The following LURAP1L variants were observed in gnomAD, a reference collection of about 807,000 sequenced individuals.
LURAP1L encodes leucine rich adaptor protein 1 like, also known as leucine rich adaptor protein 1-like.
LURAP1L carries 12 observed loss-of-function variants against 13.8 expected under a neutral mutation model. The ratio of observed to expected loss-of-function variants is 0.87; its 90% CI spans 0.56 to 1.41. LURAP1L has a LOEUF of 1.41. Among genes scored for constraint, LURAP1L ranks in the 40% most tolerant of loss-of-function variants. LURAP1L has a pLI of 0.00. For missense variants in LURAP1L, 375 were observed against 292.9 expected (o/e 1.28, Z -2.04); for synonymous variants, 139 against 119.2 (o/e 1.17, Z -1.08).
chr9:12,794,854 T>A (rs570154210), intron 1 of LURAP1L, among the ~76,000 whole-genome samples: 1 of 151,740 alleles, frequency 6.6e-6, no homozygotes, highest in South Asian at 2.1e-4. Flanking sequence ...ATCAACTATA[T>A]TCAATTCTTG....
At chr9:12,783,702 G>T (rs1256607111) in intron 1 of LURAP1L, among the ~76,000 whole-genome samples, 1 of 151,732 alleles carries the variant, frequency 6.6e-6, no homozygotes, top group African/African-American at 2.4e-5. Flanking sequence ...TGATATCAGG[G>T]TAATACTGGC....
At chr9:12,780,992 A>G (rs1819261746) in intron 1 of LURAP1L, among the ~76,000 whole-genome samples, 1 of 152,100 alleles carries the variant, frequency 6.6e-6, no homozygotes, top group African/African-American at 2.4e-5. Context: ...ATTATTTGAG[A>G]TGGAGTTTCG....
At chr9:12,778,906 T>C (rs1034293217) in intron 1 of LURAP1L, among the ~76,000 whole-genome samples, 2 of 152,206 alleles carry the variant, frequency 1.3e-5, no homozygotes, top group Non-Finnish European at 2.9e-5. Context: ...AGACCTCCAA[T>C]GGATGCTTGA....
chr9:12,791,564 CA>C (rs1322113916), intron 1 of LURAP1L, among the ~76,000 whole-genome samples: 2 of 151,410 alleles, frequency 1.3e-5, no homozygotes, highest in East Asian at 3.9e-4. Flanking sequence ...AAAAGAGTAC[CA>C]AAAGTTGCTA....
rs1819894916 is a variant in LURAP1L at position 12,822,490 on chromosome 9, C to A, written c.*730C>A. Among the ~76,000 whole-genome samples, 3 of 152,118 alleles carry A rather than the reference C, an allele frequency of 2.0e-5. No individual in the cohort carries two copies. The highest frequency in any genetic ancestry group is 2.0e-4 in the Admixed American group (3 of 15,276). On this transcript the variant is annotated 3_prime_UTR_variant, in exon 2 of 2. Transcript: ENST00000319264. Reference sequence around the variant, plus strand: ...ATTGAGATTAAGTATGGAGGCCATTCAAGGCAAAAATGTCCTAAATTTAAT... The same window carrying A: ...ATTGAGATTAAGTATGGAGGCCATTAAAGGCAAAAATGTCCTAAATTTAAT...
intron 1 of LURAP1L, among the ~76,000 whole-genome samples, chr9:12,780,217 C>T (rs2118458939): frequency 6.6e-6 from 1 of 152,304 alleles, no homozygotes; most frequent in Non-Finnish European, 1.5e-5. Context: ...GCAGTACTTT[C>T]AAATTGCTGT....
chr9:12,808,286 T>C (rs1325438030), intron 1 of LURAP1L, among the ~76,000 whole-genome samples: 5 of 152,152 alleles, frequency 3.3e-5, no homozygotes, highest in Admixed American at 6.5e-5. Flanking sequence ...CCATTTTTGT[T>C]GGTCTCAGAA....
chr9:12,819,497 AT>A (rs1176536624), intron 1 of LURAP1L, among the ~76,000 whole-genome samples: 2 of 152,152 alleles, frequency 1.3e-5, no homozygotes, highest in Non-Finnish European at 2.9e-5. Flanking sequence ...TTTGAGGACA[AT>A]TCGCTCTTTT....
rs1819524896 is a variant in LURAP1L at position 12,797,451 on chromosome 9, G to A, written c.312+21424G>A. 2.0e-5 allele frequency among the ~76,000 whole-genome samples: 3 copies of A among 152,102 alleles called. No homozygotes were observed. In the South Asian group the frequency reaches 6.2e-4, roughly 32 times the overall value. ...ACTTATATTTCTGAATCAGATGATA[G>A]ACACTGGAGAAGAAAAAAACAGACC... On this transcript the variant is annotated intron_variant, in intron 1 of 1. Transcript: ENST00000319264.
chr9:12,776,355 A>G (rs1819183778), intron 1 of LURAP1L, among the ~76,000 whole-genome samples: 1 of 152,148 alleles, frequency 6.6e-6, no homozygotes, highest in South Asian at 2.1e-4. Flanking sequence ...CAGCCCGTTG[A>G]GAGTTTGCAG....
intron 1 of LURAP1L, among the ~76,000 whole-genome samples, chr9:12,798,172 G>A (rs1244866080): frequency 6.6e-6 from 1 of 152,092 alleles, no homozygotes; most frequent in African/African-American, 2.4e-5. Context: ...TATTAGGATA[G>A]GGCAGCATCT....
At position 12,821,483 on chromosome 9, in the gene LURAP1L, C is replaced by T. The variant is rs1819879403; in HGVS notation, c.410C>T (p.Thr137Ile). The T allele has an allele frequency of 2.5e-6, 4 of 1,614,152 alleles. No homozygotes were observed. The highest frequency in any genetic ancestry group is 3.4e-6 in the Non-Finnish European group (4 of 1,180,040). The stretch of plus-strand genomic sequence containing the variant: ...AAGTGGATGATCGAAGAAAAAGCCA[C>T]CATTACCAGCAGAGGCAGCAGCCTC... ...SIKWMIEEKA[T>I]ITSRGSSLSG... The change falls in exon 2 of 2, where the codon ACC (threonine) becomes ATC (isoleucine). Residue 137 changes from threonine to isoleucine, a missense_variant. Transcript: ENST00000319264.
chr9:12,817,656 A>C lies in LURAP1L; in HGVS notation c.313-3730A>C, dbSNP rs1819821902. On this transcript the variant is annotated intron_variant, in intron 1 of 1. Coordinates refer to ENST00000319264, the MANE Select transcript of LURAP1L (RefSeq NM_203403.2). Reference sequence around the variant, plus strand: ...CAGAGTCAAGTTGAGGGACCTTATAAGACTCCAACAGAAGGAACCACACAG... The same window carrying C: ...CAGAGTCAAGTTGAGGGACCTTATACGACTCCAACAGAAGGAACCACACAG... Among the ~76,000 whole-genome samples, 2 of 152,306 alleles carry C rather than the reference A, an allele frequency of 1.3e-5. 1 individual carries two copies. Among genetic ancestry groups the C allele is most frequent in the South Asian group, 4.1e-4 (2 of 4,826 alleles).
chr9:12,811,049 C>T (rs1819729307), intron 1 of LURAP1L, among the ~76,000 whole-genome samples: 1 of 152,070 alleles, frequency 6.6e-6, no homozygotes, highest in Non-Finnish European at 1.5e-5. Flanking sequence ...AAAATGTTAA[C>T]CTGTGAAAAA....
At chr9:12,786,993 C>A (rs1003036147) in intron 1 of LURAP1L, among the ~76,000 whole-genome samples, 1 of 152,010 alleles carries the variant, frequency 6.6e-6, no homozygotes. Flanking sequence ...TGTTTATACC[C>A]ACCTTAGTAA....
At chr9:12,781,872 C>T (rs1360087612) in intron 1 of LURAP1L, among the ~76,000 whole-genome samples, 1 of 152,168 alleles carries the variant, frequency 6.6e-6, no homozygotes, top group Non-Finnish European at 1.5e-5. Context: ...TACATTCCCA[C>T]CAACAGTGTA....
chr9:12,809,137 G>A (rs902918180), intron 1 of LURAP1L, among the ~76,000 whole-genome samples: 3 of 152,118 alleles, frequency 2.0e-5, no homozygotes, highest in Non-Finnish European at 2.9e-5. Flanking sequence ...TTATCATGAG[G>A]AGGGCACTAA....
In LURAP1L at chr9:12,815,916, C is replaced by G. The variant is rs185951109; in HGVS notation, c.313-5470C>G. On this transcript the variant is annotated intron_variant, in intron 1 of 1. Transcript: ENST00000319264. ...AGCAAAAATTATTATGACAAAATTT[C>G]TGATAAAGTACCTCAAATTAACATC... Among the ~76,000 whole-genome samples, 3 of 152,264 alleles carry G rather than the reference C, an allele frequency of 2.0e-5. No homozygotes were observed. The East Asian group carries it at 5.8e-4, about 29-fold the overall frequency.
chr9:12,809,902 C>CT (rs1483978039), intron 1 of LURAP1L, among the ~76,000 whole-genome samples: 1 of 152,088 alleles, frequency 6.6e-6, no homozygotes, highest in Non-Finnish European at 1.5e-5. Context: ...GCCTGCAGTT[C>CT]TTTTTGCTGT....
Sources: gnomAD v4.1 joint callset for allele counts (sites outside exome capture counted in the v4.1 genomes callset) on GRCh38, gnomAD v4.1.1 for gene constraint, MANE v1.5 for transcripts, NCBI Gene and HGNC (gene_info 2026-07-23, HGNC 2026-07-21) for gene names.